TXNDC16: variants seen among roughly 807,000 people sequenced by gnomAD.
TXNDC16 encodes thioredoxin domain containing 16.
A neutral mutation model predicts 85.6 loss-of-function variants in TXNDC16; 74 were observed. The ratio of observed to expected loss-of-function variants is 0.86; its 90% CI spans 0.72 to 1.05. TXNDC16 has a LOEUF of 1.05. Among genes scored for constraint, TXNDC16 ranks in the 50% least tolerant of loss-of-function variants. TXNDC16 has a pLI of 0.00. For synonymous variants in TXNDC16, 335 were observed against 326.5 expected (o/e 1.03, Z -0.28); for missense variants, 959 against 947.0 (o/e 1.01, Z -0.17).
rs147852218 is a variant in TXNDC16 at position 52,432,407 on chromosome 14, A to G, written c.2375T>C (p.Ile792Thr). ...CCAATGCTTTATTCTCAGAGTTTCA[A>G]TCGGTTCTTTTCTGACTGCCGATTT... is the stretch of plus-strand genomic sequence containing the variant. ...EDKSAVRKEP[I>T]ETLRIKHWNR... Residue 792 changes from isoleucine to threonine, a missense_variant, in exon 21 of 21, where the codon ATT becomes ACT. By Grantham distance (89) the Ile-to-Thr change is moderately conservative. Coordinates refer to ENST00000281741, the MANE Select transcript of TXNDC16 (RefSeq NM_020784.3). 1.3e-5 allele frequency: 21 copies of G among 1,613,874 alleles called. No individual in the cohort carries two copies. In the African/African-American group the frequency reaches 2.7e-4, roughly 21 times the overall value.
chr14:52,497,553 T>G (rs1427094385), intron 9 of TXNDC16, among the ~76,000 whole-genome samples: 1 of 152,162 alleles, frequency 6.6e-6, no homozygotes, highest in Admixed American at 6.5e-5. Context: ...GCAATATCCC[T>G]AATGAATATT....
chr14:52,456,973 T>A, intron 17 of TXNDC16, 117 bp downstream of exon 17: 2 of 677,924 alleles, frequency 3.0e-6, no homozygotes, highest in Non-Finnish European at 2.5e-6. Context: ...ATAAAAAAAA[T>A]TTCTTTAGAT....
chr14:52,548,986 G>A (rs1005859068), intron 1 of TXNDC16, among the ~76,000 whole-genome samples: 28 of 152,166 alleles, frequency 1.8e-4, no homozygotes, highest in Admixed American at 9.2e-4. Flanking sequence ...TCTTAGTAAC[G>A]GGTAAAGGGA....
rs1491012176 is a variant in TXNDC16, at chr14:52,526,904, CCG to C, written c.393-7613_393-7612del. Reference sequence around the variant, plus strand: ...TCTACATAACAAAGCCTCCATAAAACCGCAAAGGGAGAGGGCTTGAAGAGCTT... The same window carrying C: ...TCTACATAACAAAGCCTCCATAAAACCAAAGGGAGAGGGCTTGAAGAGCTT... On this transcript the variant is annotated intron_variant, in intron 6 of 20. Transcript: ENST00000281741. 0.014 allele frequency among the ~76,000 whole-genome samples: 2,126 copies of C among 152,288 alleles called. 104 individuals are homozygous for C. In the East Asian group the frequency reaches 0.16, roughly 12 times the overall value.
chr14:52,510,273 A>G (rs1011203935), intron 9 of TXNDC16, among the ~76,000 whole-genome samples: 4 of 152,254 alleles, frequency 2.6e-5, no homozygotes, highest in Non-Finnish European at 5.9e-5. Context: ...ACAAAGTTTT[A>G]AAATATAATG....
At position 52,543,397 on chromosome 14, in the gene TXNDC16, C is replaced by T. The variant is rs1270863094; in HGVS notation, c.160+1G>A. The stretch of plus-strand genomic sequence containing the variant: ...CATATTAGAATTTTAAAAATACTTA[C>T]CAGCTTGACAAAAATAAGCTAAAGA... On this transcript the variant is annotated splice_donor_variant, in intron 3 of 20. Coordinates refer to ENST00000281741, the MANE Select transcript of TXNDC16 (RefSeq NM_020784.3). LOFTEE classifies it high-confidence loss of function. 6.2e-7 allele frequency: 1 copy of T among 1,601,638 alleles called. No homozygotes were observed. Among genetic ancestry groups the T allele is most frequent in the East Asian group, 2.2e-5 (1 of 44,706 alleles).
chr14:52,492,451 C>T (rs2036429668), intron 9 of TXNDC16, among the ~76,000 whole-genome samples: 1 of 152,154 alleles, frequency 6.6e-6, no homozygotes, highest in South Asian at 2.1e-4. Flanking sequence ...CACTGCTACC[C>T]GCACCTTCTC....
At chr14:52,528,809 C>T (rs972993363) in intron 6 of TXNDC16, among the ~76,000 whole-genome samples, 1 of 146,474 alleles carries the variant, frequency 6.8e-6, no homozygotes, top group Non-Finnish European at 1.5e-5. Flanking sequence ...CTTTCATATA[C>T]TGGTATATAT....
At chr14:52,479,989 T>C (rs1366473775) in intron 14 of TXNDC16, among the ~76,000 whole-genome samples, 2 of 152,056 alleles carry the variant, frequency 1.3e-5, no homozygotes, top group Non-Finnish European at 2.9e-5. Flanking sequence ...TGGAACAGAA[T>C]AGAGAACTCA....
rs924784700 is a variant in TXNDC16 at position 52,455,451 on chromosome 14, T to C, written c.1715A>G (p.Tyr572Cys). 3.7e-6 allele frequency: 6 copies of C among 1,613,846 alleles called. No homozygotes were observed. In the Admixed American group the frequency reaches 6.7e-5, roughly 18 times the overall value. ...EEDVLLLSTKYAASLPALLLA... is the reference protein window; with the variant it reads ...EEDVLLLSTKCAASLPALLLA... The stretch of plus-strand genomic sequence containing the variant: ...CAGCAGGGCTGGAAGACTTGCAGCA[T>C]ATTTGGTTGACCTATGGAGAAAGGC... Residue 572 changes from tyrosine (Y) to cysteine (C), a missense_variant, in exon 18 of 21, where the codon TAT becomes TGT. Coordinates refer to ENST00000281741, the MANE Select transcript of TXNDC16 (RefSeq NM_020784.3).
chr14:52,475,212 A>G (rs1356093507), intron 14 of TXNDC16, among the ~76,000 whole-genome samples: 1 of 152,176 alleles, frequency 6.6e-6, no homozygotes, highest in Non-Finnish European at 1.5e-5. Context: ...CTCACCTCAC[A>G]AGGGGTCCTT....
intron 16 of TXNDC16, among the ~76,000 whole-genome samples, chr14:52,462,603 G>T (rs2035678769): frequency 6.6e-6 from 1 of 152,202 alleles, no homozygotes; most frequent in African/African-American, 2.4e-5. Flanking sequence ...TTATAGGCAT[G>T]TGGAAATATA....
intron 9 of TXNDC16, among the ~76,000 whole-genome samples, chr14:52,493,216 T>TATATATATATATATATATATATA: frequency 8.6e-6 from 1 of 115,942 alleles, no homozygotes; most frequent in African/African-American, 3.5e-5. Context: ...TATATATATA[T>TATATATATATATATATATATATA]ACACACACAC....
At chr14:52,533,420 A>G (rs2037628377) in intron 6 of TXNDC16, among the ~76,000 whole-genome samples, 1 of 152,176 alleles carries the variant, frequency 6.6e-6, no homozygotes, top group Non-Finnish European at 1.5e-5. Context: ...TCCCTAGATT[A>G]TACAACGGTC....
chr14:52,542,988 G>C (rs955011345), intron 3 of TXNDC16, among the ~76,000 whole-genome samples: 1 of 152,022 alleles, frequency 6.6e-6, no homozygotes, highest in Admixed American at 6.6e-5. Flanking sequence ...AGCTAAAGCA[G>C]GGTATTAATC....
chr14:52,478,780 T>C (rs577138508), intron 14 of TXNDC16, among the ~76,000 whole-genome samples: 3 of 151,970 alleles, frequency 2.0e-5, no homozygotes, highest in East Asian at 1.9e-4. Context: ...TTCCACAAGA[T>C]AGAGAAAAAG....
rs568583893 is a variant in TXNDC16, at chr14:52,499,666, A to C, written c.757-8661T>G. 5.3e-5 allele frequency among the ~76,000 whole-genome samples: 8 copies of C among 152,088 alleles called. No individual in the cohort carries two copies. The South Asian group carries it at 1.7e-3, about 32-fold the overall frequency. On this transcript the variant is annotated intron_variant, in intron 9 of 20. Coordinates refer to ENST00000281741, the MANE Select transcript of TXNDC16 (RefSeq NM_020784.3). The stretch of plus-strand genomic sequence containing the variant: ...GACAAACGTTGGTGAAGATATGAAG[A>C]AATGAACCCTTGTGCACTGTTGGTG...
At chr14:52,465,010 C>T (rs2035738798) in intron 16 of TXNDC16, among the ~76,000 whole-genome samples, 1 of 152,010 alleles carries the variant, frequency 6.6e-6, no homozygotes, top group African/African-American at 2.4e-5. Flanking sequence ...AGCCACAGGG[C>T]ACATATTAAT....
intron 16 of TXNDC16, among the ~76,000 whole-genome samples, chr14:52,466,898 A>C (rs2035789848): frequency 6.6e-6 from 1 of 151,968 alleles, no homozygotes; most frequent in South Asian, 2.1e-4. Flanking sequence ...ATAAAGAAAA[A>C]CAATAATGAA....
Sources: gnomAD v4.1 joint callset for allele counts (sites outside exome capture counted in the v4.1 genomes callset) on GRCh38, gnomAD v4.1.1 for gene constraint, MANE v1.5 for transcripts, NCBI Gene and HGNC (gene_info 2026-07-23, HGNC 2026-07-21) for gene names.